NTM: variants seen among roughly 807,000 people sequenced by gnomAD.
The protein encoded by NTM is IgLON family member 2.
Under a neutral mutation model 42.1 loss-of-function variants are expected in NTM, and 13 were observed. The observed-to-expected ratio is 0.31, with a 90% CI of 0.20 to 0.49. NTM has a LOEUF of 0.49. Ranked by LOEUF, NTM falls within the 20% of genes least tolerant of loss-of-function variation. NTM has a pLI of 0.99. For missense variants in NTM, 373 were observed against 452.8 expected (o/e 0.82, Z 1.60); for synonymous variants, 187 against 179.2 (o/e 1.04, Z -0.35).
At chr11:132,097,207 T>G (rs2061111806) in intron 2 of NTM, among the ~76,000 whole-genome samples, 1 of 152,180 alleles carries the variant, frequency 6.6e-6, no homozygotes, top group Non-Finnish European at 1.5e-5. Flanking sequence ...CTCAGCTCTC[T>G]AGAGAGAGCA....
Position 132,101,157 on chromosome 11 carries a change from G to A in NTM, c.168-45125G>A, listed in dbSNP as rs566466089. Among the ~76,000 whole-genome samples, 281 of 152,200 alleles carry A rather than the reference G, an allele frequency of 1.8e-3. 4 individuals carry two copies. Among genetic ancestry groups the A allele is most frequent in the African/African-American group, 6.5e-3 (268 of 41,532 alleles). ...ATTGATCAATCTTTCCTACCTCTAT[G>A]GACTTGAGTGGCTGTTTTCTTCCTC... On this transcript the variant is annotated intron_variant, in intron 2 of 8. Transcript: ENST00000683400.
At chr11:132,110,867 T>G (rs1390715389) in intron 2 of NTM, among the ~76,000 whole-genome samples, 1 of 151,504 alleles carries the variant, frequency 6.6e-6, no homozygotes, top group Non-Finnish European at 1.5e-5. Flanking sequence ...AGACCTCATC[T>G]CTACTAAAAA....
chr11:131,549,716 G>T (rs911944526), intron 1 of NTM, among the ~76,000 whole-genome samples: 1 of 152,204 alleles, frequency 6.6e-6, no homozygotes, highest in African/African-American at 2.4e-5. Context: ...GTCAGAGATA[G>T]ATTCATTGTA....
At chr11:131,997,682 TC>T (rs2068333577) in intron 2 of NTM, among the ~76,000 whole-genome samples, 1 of 152,212 alleles carries the variant, frequency 6.6e-6, no homozygotes, top group African/African-American at 2.4e-5. Context: ...CTTTCTTTTT[TC>T]TTCCTGGAAT....
At chr11:131,466,904 C>T (rs940941408) in intron 1 of NTM, among the ~76,000 whole-genome samples, 2 of 152,118 alleles carry the variant, frequency 1.3e-5, no homozygotes, top group Admixed American at 1.3e-4. Context: ...ACTGCAAGGA[C>T]AAGGGGAATG....
intron 2 of NTM, among the ~76,000 whole-genome samples, chr11:132,024,546 T>C (rs1345961893): frequency 1.3e-5 from 2 of 152,208 alleles, no homozygotes; most frequent in Non-Finnish European, 2.9e-5. Flanking sequence ...TGTTTTTGAA[T>C]AGTTTCGATC....
intron 3 of NTM, among the ~76,000 whole-genome samples, chr11:132,148,931 G>T (rs116686282): frequency 6.6e-6 from 1 of 151,974 alleles, no homozygotes; most frequent in East Asian, 1.9e-4. Context: ...GTGCCCTCTC[G>T]CATGACACAC....
intron 1 of NTM, among the ~76,000 whole-genome samples, chr11:131,479,737 G>C (rs1381704837): frequency 2.0e-5 from 3 of 152,178 alleles, no homozygotes; most frequent in African/African-American, 7.2e-5. Context: ...ATGGAGGGAA[G>C]GGAGTGATTC....
chr11:131,965,568 CAGGT>C (rs1359317187), intron 2 of NTM, among the ~76,000 whole-genome samples: 2 of 152,220 alleles, frequency 1.3e-5, no homozygotes, highest in South Asian at 4.2e-4. Flanking sequence ...ATGAAAGTCT[CAGGT>C]AGGAATTATT....
intron 1 of NTM, among the ~76,000 whole-genome samples, chr11:131,680,188 C>T (rs1227668033): frequency 6.6e-6 from 1 of 152,112 alleles, no homozygotes; most frequent in African/African-American, 2.4e-5. Flanking sequence ...AGCACCTTGC[C>T]CTCCCTCACC....
intron 1 of NTM, among the ~76,000 whole-genome samples, chr11:131,483,581 A>G (rs976908607): frequency 2.0e-5 from 3 of 152,232 alleles, no homozygotes; most frequent in Non-Finnish European, 4.4e-5. Context: ...ATTCAATGAA[A>G]GCTACAGGGC....
intron 2 of NTM, among the ~76,000 whole-genome samples, chr11:132,101,209 A>G (rs2061575440): frequency 1.3e-5 from 2 of 152,018 alleles, no homozygotes; most frequent in Admixed American, 1.3e-4. Context: ...CTTTATTTTA[A>G]TATTGATCGT....
chr11:132,125,494 TGTGTG>T (rs1393095308), intron 2 of NTM, among the ~76,000 whole-genome samples: 1 of 136,992 alleles, frequency 7.3e-6, no homozygotes, highest in Non-Finnish European at 1.6e-5. Context: ...CTGTGATGCG[TGTGTG>T]GTGTGGTGGT....
chr11:131,976,228 G>A (rs10894480), intron 2 of NTM, among the ~76,000 whole-genome samples: 48,765 of 151,054 alleles, frequency 0.32, 8,231 homozygotes, highest in East Asian at 0.59. Context: ...ATGGGATGAA[G>A]TCCAAGCGAT....
intron 8 of NTM, among the ~76,000 whole-genome samples, chr11:132,334,568 A>G (rs1463727546): frequency 1.3e-5 from 2 of 152,202 alleles, no homozygotes; most frequent in Non-Finnish European, 2.9e-5. Flanking sequence ...GCAGGCAGAC[A>G]CATTGTTTTG....
intron 1 of NTM, among the ~76,000 whole-genome samples, chr11:131,562,464 A>G (rs533379439): frequency 1.3e-5 from 2 of 152,234 alleles, no homozygotes; most frequent in South Asian, 4.1e-4. Context: ...GTCAGTTGCT[A>G]AGCCAGGCGT....
rs147179966 is a variant in NTM at position 131,502,517 on chromosome 11, G to A, written c.82+131629G>A. ...CTGAGGGGAGGCAGGAGCTGGGAGC[G>A]GGGGAAAGTGCTATCACAGAGGCAA... On this transcript the variant is annotated intron_variant, in intron 1 of 8. Transcript: ENST00000683400. Among the ~76,000 whole-genome samples, 27 of 152,188 alleles carry A rather than the reference G, an allele frequency of 1.8e-4. No individual in the cohort carries two copies. The East Asian group carries it at 4.3e-3, about 24-fold the overall frequency.
At chr11:131,457,034 TGTAAC>T (rs891040640) in intron 1 of NTM, among the ~76,000 whole-genome samples, 10 of 152,208 alleles carry the variant, frequency 6.6e-5, no homozygotes, top group African/African-American at 2.4e-4. Context: ...GAAATGGACT[TGTAAC>T]ATATTACAAA....
At chr11:132,044,147 C>CGT (rs567597547) in intron 2 of NTM, among the ~76,000 whole-genome samples, 4,192 of 45,810 alleles carry the variant, frequency 0.092, 177 homozygotes, top group African/African-American at 0.38. Context: ...TGTGTATGTG[C>CGT]GTGTGTGTGT....
Sources: allele counts gnomAD v4.1 joint callset (sites outside exome capture counted in the v4.1 genomes callset), GRCh38; gene constraint gnomAD v4.1.1; transcripts MANE v1.5; gene names NCBI Gene and HGNC (gene_info 2026-07-23, HGNC 2026-07-21).